SOX5: variants seen among roughly 807,000 people sequenced by gnomAD.
SOX5 encodes the protein SRY-box transcription factor 5, also known as transcription factor SOX-5.
In SOX5, 9 loss-of-function variants were observed where a neutral mutation model predicts 92.0. That is an observed-to-expected ratio of 0.10 (90% CI 0.06 to 0.17). The LOEUF is 0.17. SOX5 is among the 10% of genes least tolerant of loss of function. The pLI is 1.00. For missense variants in SOX5, 642 were observed against 944.5 expected (o/e 0.68, Z 4.20); for synonymous variants, 344 against 336.3 (o/e 1.02, Z -0.25).
chr12:24,392,656 A>G (rs1959112681), intron 1 of SOX5, among the ~76,000 whole-genome samples: 1 of 151,924 alleles, frequency 6.6e-6, no homozygotes, highest in Non-Finnish European at 1.5e-5. Flanking sequence ...TTCACCTATT[A>G]TATATTTATT....
At position 23,913,335 on chromosome 12, in the gene SOX5, G is replaced by A. The variant is rs2097372416; in HGVS notation, c.39-17311C>T. Among the ~76,000 whole-genome samples, 5 of 151,332 alleles carry A rather than the reference G, an allele frequency of 3.3e-5. No homozygotes were observed. In the South Asian group the frequency reaches 1.0e-3, roughly 32 times the overall value. ...GTTGTTAGATCTACATTAGGTACAT[G>A]TTTTTTCTTTTCTTTTTTTAAGTTC... On this transcript the variant is annotated intron_variant, in intron 1 of 14. Transcript: ENST00000451604.
Position 23,755,409 on chromosome 12 carries a change from T to G in SOX5, c.568+229A>C, listed in dbSNP as rs559768053. ...AAATCAGAGCCTGTTAGAGGTATAGTGGGGTGATTCTGTTGAAAACAACAT... is the reference window on the plus strand; with the variant it reads ...AAATCAGAGCCTGTTAGAGGTATAGGGGGGTGATTCTGTTGAAAACAACAT... On this transcript the variant is annotated intron_variant, in intron 4 of 14. Coordinates refer to ENST00000451604, the MANE Select transcript of SOX5 (RefSeq NM_006940.6). Among the ~76,000 whole-genome samples, 14 of 151,922 alleles carry G rather than the reference T, an allele frequency of 9.2e-5. No homozygotes were observed. In the South Asian group the frequency reaches 1.2e-3, roughly 13 times the overall value.
chr12:24,486,030 G>A (rs1946485140), intron 1 of SOX5, among the ~76,000 whole-genome samples: 1 of 152,118 alleles, frequency 6.6e-6, no homozygotes, highest in South Asian at 2.1e-4. Context: ...ATAGTTCACT[G>A]CAGCCTCAAT....
intron 7 of SOX5, among the ~76,000 whole-genome samples, chr12:23,652,784 C>T (rs909947928): frequency 2.0e-5 from 3 of 152,050 alleles, no homozygotes; most frequent in African/African-American, 7.2e-5. Flanking sequence ...ATAAGAGCTT[C>T]TCAATCAGTC....
intron 4 of SOX5, among the ~76,000 whole-genome samples, chr12:24,095,799 G>C (rs1002406218): frequency 1.3e-5 from 2 of 152,024 alleles, no homozygotes; most frequent in African/African-American, 4.8e-5. Context: ...TTTATAAGGG[G>C]CTCTCCCTCC....
chr12:24,136,692 C>T (rs975158861), intron 4 of SOX5, among the ~76,000 whole-genome samples: 5 of 152,154 alleles, frequency 3.3e-5, no homozygotes, highest in Non-Finnish European at 7.4e-5. Context: ...CAAGCATATG[C>T]CTAAAGAGAA....
intron 6 of SOX5, among the ~76,000 whole-genome samples, chr12:23,686,394 T>C (rs2087594788): frequency 6.6e-6 from 1 of 152,180 alleles, no homozygotes; most frequent in African/African-American, 2.4e-5. Flanking sequence ...AGAAGGGAAA[T>C]GTGAAATGGA....
intron 3 of SOX5, among the ~76,000 whole-genome samples, chr12:23,774,417 G>C (rs935655338): frequency 6.6e-6 from 1 of 151,946 alleles, no homozygotes; most frequent in Non-Finnish European, 1.5e-5. Flanking sequence ...TTCAAATTTC[G>C]GAATGATATA....
intron 3 of SOX5, among the ~76,000 whole-genome samples, chr12:24,273,258 C>CA (rs926451266): frequency 5.9e-5 from 9 of 151,530 alleles, no homozygotes; most frequent in African/African-American, 1.9e-4. Flanking sequence ...GACGCGGTCT[C>CA]AAAAAAAAGA....
At chr12:23,797,201 A>G (rs2095579538) in intron 3 of SOX5, among the ~76,000 whole-genome samples, 1 of 151,918 alleles carries the variant, frequency 6.6e-6, no homozygotes, top group African/African-American at 2.4e-5. Context: ...TAAGAGTATC[A>G]TTTATTTCAG....
rs143549258 is a variant in SOX5, at chr12:23,965,554, C to G, written c.-1-69530G>C. 5.5e-3 allele frequency among the ~76,000 whole-genome samples: 844 copies of G among 152,246 alleles called. 12 individuals carry two copies. Among genetic ancestry groups the G allele is most frequent in the African/African-American group, 0.02 (813 of 41,556 alleles). On this transcript the variant is annotated intron_variant, in intron 4 of 4. Transcript: ENST00000446891. ...CTTGTGATACTCAGATTGTGATAAC[C>G]ACAACCACTCCACAAACGTTCAGAC...
chr12:23,660,174 A>G (rs996498412), intron 7 of SOX5, among the ~76,000 whole-genome samples: 2 of 152,194 alleles, frequency 1.3e-5, no homozygotes, highest in Non-Finnish European at 2.9e-5. Context: ...AATGTCATCA[A>G]ATGCTAGGTG....
intron 3 of SOX5, among the ~76,000 whole-genome samples, chr12:24,259,749 G>A (rs1941807239): frequency 6.6e-6 from 1 of 152,142 alleles, no homozygotes; most frequent in African/African-American, 2.4e-5. Context: ...ATTCAAGTTG[G>A]GTGATGATCT....
At chr12:24,214,950 T>C (rs1204059480) in intron 3 of SOX5, among the ~76,000 whole-genome samples, 1 of 152,066 alleles carries the variant, frequency 6.6e-6, no homozygotes, top group East Asian at 1.9e-4. Context: ...GCAAAGTTGA[T>C]TTACCATATA....
intron 1 of SOX5, among the ~76,000 whole-genome samples, chr12:24,430,467 A>T (rs200504514): frequency 6.6e-6 from 1 of 151,986 alleles, no homozygotes; most frequent in East Asian, 1.9e-4. Flanking sequence ...AATATATATA[A>T]AATTCATTAA....
intron 1 of SOX5, among the ~76,000 whole-genome samples, chr12:24,487,469 G>A (rs12228081): frequency 6.6e-6 from 1 of 152,022 alleles, no homozygotes; most frequent in Non-Finnish European, 1.5e-5. Flanking sequence ...ATACAGGAGA[G>A]ACTGGCTCAA....
intron 2 of SOX5, among the ~76,000 whole-genome samples, chr12:24,288,179 T>C (rs1298843421): frequency 6.6e-6 from 1 of 152,138 alleles, no homozygotes; most frequent in Non-Finnish European, 1.5e-5. Flanking sequence ...TGTGATGACT[T>C]GGAGGATGCT....
chr12:24,197,806 C>T (rs1182598845), intron 4 of SOX5, among the ~76,000 whole-genome samples: 1 of 152,166 alleles, frequency 6.6e-6, no homozygotes, highest in Non-Finnish European at 1.5e-5. Context: ...GCTTGGACTG[C>T]ATCCGCGTAT....
chr12:23,535,576 G>A (rs534617843), intron 14 of SOX5, among the ~76,000 whole-genome samples: 176 of 152,246 alleles, frequency 1.2e-3, no homozygotes, highest in Middle Eastern at 0.01. Flanking sequence ...TTATTCATTC[G>A]TATGTTTACT....
Sources: allele counts gnomAD v4.1 joint callset (sites outside exome capture counted in the v4.1 genomes callset), GRCh38; gene constraint gnomAD v4.1.1; transcripts MANE v1.5; gene names NCBI Gene and HGNC (gene_info 2026-07-23, HGNC 2026-07-21).